LRRTM4: variants seen among roughly 807,000 people sequenced by gnomAD.
LRRTM4 encodes leucine rich repeat transmembrane neuronal 4.
A neutral mutation model predicts 47.6 loss-of-function variants in LRRTM4; 25 were observed. The observed-to-expected ratio is 0.53, with a 90% CI of 0.38 to 0.73. The LOEUF (loss-of-function observed/expected upper bound fraction) is 0.73. Ranked by LOEUF, LRRTM4 falls within the 30% of genes least tolerant of loss-of-function variation. The pLI is 0.00. For synonymous variants in LRRTM4, 311 were observed against 269.5 expected (o/e 1.15, Z -1.51); for missense variants, 638 against 713.4 (o/e 0.89, Z 1.20).
chr2:76,800,844 C>T (rs1349964531), intron 3 of LRRTM4, among the ~76,000 whole-genome samples: 1 of 148,546 alleles, frequency 6.7e-6, no homozygotes, highest in African/African-American at 2.5e-5. Flanking sequence ...CCAAAAAACA[C>T]ATGAAAAAAT....
intron 3 of LRRTM4, among the ~76,000 whole-genome samples, chr2:77,075,708 G>T (rs1460553990): frequency 6.6e-6 from 1 of 151,426 alleles, no homozygotes; most frequent in South Asian, 2.1e-4. Flanking sequence ...GAGGTCAGGA[G>T]ATCGAGACCA....
chr2:76,974,760 T>TATA (rs1231119917), intron 3 of LRRTM4, among the ~76,000 whole-genome samples: 2 of 151,776 alleles, frequency 1.3e-5, no homozygotes, highest in Non-Finnish European at 3.0e-5. Context: ...TTTCCAAGAA[T>TATA]ATTTCTGGAG....
At chr2:76,849,730 G>C (rs1485817378) in intron 3 of LRRTM4, among the ~76,000 whole-genome samples, 1 of 151,972 alleles carries the variant, frequency 6.6e-6, no homozygotes, top group East Asian at 1.9e-4. Context: ...CTTGCGAAAA[G>C]ATTATAGTCT....
At chr2:77,037,565 A>C (rs1282855671) in intron 3 of LRRTM4, among the ~76,000 whole-genome samples, 1 of 112,584 alleles carries the variant, frequency 8.9e-6, no homozygotes, top group Admixed American at 9.1e-5. Context: ...ATTACCAAAG[A>C]AAAGCCTCAC....
At chr2:77,473,788 A>G (rs908047219) in intron 3 of LRRTM4, among the ~76,000 whole-genome samples, 3 of 152,160 alleles carry the variant, frequency 2.0e-5, no homozygotes, top group African/African-American at 7.2e-5. Context: ...CAGTGTATGT[A>G]ACACTAATAA....
intron 3 of LRRTM4, among the ~76,000 whole-genome samples, chr2:77,068,703 G>C (rs942819383): frequency 2.0e-5 from 3 of 152,170 alleles, no homozygotes; most frequent in African/African-American, 2.4e-5. Context: ...TTTGAAAGCT[G>C]TTATTCAGTT....
chr2:77,185,360 T>C lies in LRRTM4; in HGVS notation c.1551+332958A>G, dbSNP rs527731132. ...AAAGTTGATTTTCAAAACAGCTCTATCAGTGATAAAGGTCATATTTTGGTC... is the reference window on the plus strand; with the variant it reads ...AAAGTTGATTTTCAAAACAGCTCTACCAGTGATAAAGGTCATATTTTGGTC... On this transcript the variant is annotated intron_variant, in intron 3 of 3. Transcript: ENST00000409884. 6.6e-3 allele frequency among the ~76,000 whole-genome samples: 1,010 copies of C among 152,214 alleles called. 5 individuals carry two copies. Among genetic ancestry groups the C allele is most frequent in the Non-Finnish European group, 9.2e-3 (626 of 67,996 alleles).
At chr2:76,963,792 A>G (rs1675939267) in intron 3 of LRRTM4, among the ~76,000 whole-genome samples, 1 of 150,816 alleles carries the variant, frequency 6.6e-6, no homozygotes, top group Admixed American at 6.6e-5. Context: ...ATATCTAATA[A>G]TAGTAAGAAG....
chr2:77,484,507 T>A (rs1432058257), intron 3 of LRRTM4, among the ~76,000 whole-genome samples: 1 of 152,230 alleles, frequency 6.6e-6, no homozygotes, highest in Non-Finnish European at 1.5e-5. Flanking sequence ...GTCTGTGGTA[T>A]GGGGACTTTC....
At chr2:77,363,762 T>TA (rs1250699488) in intron 3 of LRRTM4, among the ~76,000 whole-genome samples, 4 of 152,174 alleles carry the variant, frequency 2.6e-5, no homozygotes, top group Non-Finnish European at 5.9e-5. Context: ...AGACCACAGC[T>TA]CTAACTAAAC....
chr2:77,177,364 T>C (rs1673228186), intron 3 of LRRTM4, among the ~76,000 whole-genome samples: 1 of 152,136 alleles, frequency 6.6e-6, no homozygotes, highest in East Asian at 1.9e-4. Context: ...TCATGTCTCT[T>C]AGAATGTGTC....
intron 3 of LRRTM4, among the ~76,000 whole-genome samples, chr2:77,514,470 T>G (rs577828243): frequency 1.3e-5 from 2 of 152,124 alleles, no homozygotes; most frequent in East Asian, 3.9e-4. Context: ...GTCAAAGAAA[T>G]TATATAACCT....
intron 3 of LRRTM4, among the ~76,000 whole-genome samples, chr2:77,231,553 T>C (rs1035965090): frequency 6.6e-6 from 1 of 152,066 alleles, no homozygotes; most frequent in Non-Finnish European, 1.5e-5. Flanking sequence ...TATATAGAGA[T>C]CTTATTTAGC....
At chr2:77,022,278 C>T (rs918715799) in intron 3 of LRRTM4, among the ~76,000 whole-genome samples, 3 of 152,142 alleles carry the variant, frequency 2.0e-5, no homozygotes, top group Admixed American at 6.5e-5. Flanking sequence ...CCCACCAGGT[C>T]CCTCCTACAA....
At chr2:76,951,793 CCT>C (rs1322840711) in intron 3 of LRRTM4, among the ~76,000 whole-genome samples, 2 of 151,802 alleles carry the variant, frequency 1.3e-5, no homozygotes, top group Non-Finnish European at 2.9e-5. Context: ...CTCCCCTCCC[CCT>C]GACAGGCCCC....
chr2:77,231,289 G>C (rs1393891330), intron 3 of LRRTM4, among the ~76,000 whole-genome samples: 1 of 151,620 alleles, frequency 6.6e-6, no homozygotes, highest in Non-Finnish European at 1.5e-5. Context: ...GCAATGTTTG[G>C]CAATATGATC....
At chr2:76,972,528 C>A (rs1224219677) in intron 3 of LRRTM4, among the ~76,000 whole-genome samples, 1 of 144,378 alleles carries the variant, frequency 6.9e-6, no homozygotes, top group Non-Finnish European at 1.5e-5. Context: ...AGCGATTCTT[C>A]TGCCTAAGCC....
chr2:76,966,984 T>C (rs1465252122), intron 3 of LRRTM4, among the ~76,000 whole-genome samples: 1 of 151,526 alleles, frequency 6.6e-6, no homozygotes, highest in Non-Finnish European at 1.5e-5. Context: ...AGTATTACTA[T>C]ATTTTTAGCT....
At chr2:77,310,926 A>G (rs912483944) in intron 3 of LRRTM4, among the ~76,000 whole-genome samples, 4 of 152,092 alleles carry the variant, frequency 2.6e-5, no homozygotes, top group African/African-American at 9.7e-5. Flanking sequence ...ACACACATAC[A>G]CACACATATA....
Sources: gnomAD v4.1 joint callset for allele counts (sites outside exome capture counted in the v4.1 genomes callset) on GRCh38, gnomAD v4.1.1 for gene constraint, MANE v1.5 for transcripts, NCBI Gene and HGNC (gene_info 2026-07-23, HGNC 2026-07-21) for gene names.